Variants in SENP5 observed in about 807,000 individuals in gnomAD.
The protein encoded by SENP5 is sentrin-specific protease 5.
A neutral mutation model predicts 74.2 loss-of-function variants in SENP5; 21 were observed. That is an observed-to-expected ratio of 0.28 (90% confidence interval 0.20 to 0.41). The LOEUF is 0.41. SENP5 is among the 10% of genes least tolerant of loss of function. The pLI is 1.00. For missense variants in SENP5, 717 were observed against 889.1 expected (o/e 0.81, Z 2.46); for synonymous variants, 311 against 312.7 (o/e 0.99, Z 0.06).
intron 6 of SENP5, 126 bp from the exon 7 acceptor site, chr3:196,923,288 C>A: frequency 2.2e-6 from 2 of 924,524 alleles, no homozygotes; most frequent in Non-Finnish European, 3.2e-6. Flanking sequence ...GGTTCAAATT[C>A]TGGTTCATTG....
chr3:196,894,775 A>G (rs1006944375), intron 2 of SENP5, among the ~76,000 whole-genome samples: 1 of 152,096 alleles, frequency 6.6e-6, no homozygotes. Context: ...ATTCTTTTCA[A>G]AAATTTCTAG....
intron 6 of SENP5, among the ~76,000 whole-genome samples, chr3:196,921,305 C>A (rs1715612241): frequency 6.6e-6 from 1 of 152,124 alleles, no homozygotes; most frequent in South Asian, 2.1e-4. Context: ...AATGTCACTA[C>A]CTCAGCCACC....
At chr3:196,929,815 T>A (rs1416477416) in intron 9 of SENP5, 132 bp downstream of exon 9, 1 of 674,634 alleles carries the variant, frequency 1.5e-6, no homozygotes, top group East Asian at 2.8e-5. Context: ...CCCTCCCCTT[T>A]ATTGCTGAGG....
At chr3:196,902,065 C>T (rs1374319169) in intron 5 of SENP5, among the ~76,000 whole-genome samples, 1 of 152,200 alleles carries the variant, frequency 6.6e-6, no homozygotes, top group Admixed American at 6.5e-5. Flanking sequence ...AATCACTGCT[C>T]TAGAGACAGC....
At chr3:196,872,604 G>A (rs1280597914) in intron 1 of SENP5, among the ~76,000 whole-genome samples, 3 of 152,178 alleles carry the variant, frequency 2.0e-5, no homozygotes, top group Non-Finnish European at 2.9e-5. Flanking sequence ...TTTTACATAG[G>A]ATTGTTTTAA....
chr3:196,902,380 C>T (rs1714735379), intron 5 of SENP5, among the ~76,000 whole-genome samples: 2 of 152,234 alleles, frequency 1.3e-5, no homozygotes, highest in Non-Finnish European at 2.9e-5. Context: ...ATCCTCTCAC[C>T]TCTGCCTCTC....
At chr3:196,888,726 ATAT>A (rs762394422) in intron 2 of SENP5, among the ~76,000 whole-genome samples, 16 of 152,136 alleles carry the variant, frequency 1.1e-4, no homozygotes, top group Non-Finnish European at 2.1e-4. Flanking sequence ...ATCTGGACAG[ATAT>A]TATTACCATT....
At chr3:196,903,449 A>C in intron 5 of SENP5, 84 bp from the exon 6 acceptor site, 1 of 842,590 alleles carries the variant, frequency 1.2e-6, no homozygotes, top group Non-Finnish European at 1.9e-6. Context: ...TTTACATTCA[A>C]ACATTTTAAA....
intron 7 of SENP5, 77 bp from the exon 8 acceptor site, chr3:196,927,719 C>G (rs2108867260): frequency 2.6e-6 from 2 of 784,128 alleles, no homozygotes; most frequent in Admixed American, 2.1e-5. Context: ...TCCTTTCCTT[C>G]TGTCTGCTAT....
chr3:196,893,439 T>G (rs1181491601), intron 2 of SENP5, among the ~76,000 whole-genome samples: 20 of 152,154 alleles, frequency 1.3e-4, no homozygotes, highest in Non-Finnish European at 2.9e-5. Flanking sequence ...TAACTTGTAG[T>G]AGGTGTGTCC....
chr3:196,869,487 G>A (rs562886613), intron 1 of SENP5, among the ~76,000 whole-genome samples: 34 of 151,762 alleles, frequency 2.2e-4, no homozygotes, highest in African/African-American at 7.2e-4. Context: ...TCAGCCGGGC[G>A]CGGTGGTTGA....
chr3:196,906,472 G>A (rs1714909140), intron 6 of SENP5, among the ~76,000 whole-genome samples: 1 of 152,064 alleles, frequency 6.6e-6, no homozygotes, highest in Admixed American at 6.6e-5. Context: ...TTGTTTAGTG[G>A]GTACAAAAGA....
At chr3:196,920,661 A>G (rs1715580250) in intron 6 of SENP5, among the ~76,000 whole-genome samples, 2 of 152,186 alleles carry the variant, frequency 1.3e-5, no homozygotes, top group South Asian at 4.1e-4. Context: ...AGGCTTTCCT[A>G]TTATTCCTAT....
chr3:196,873,697 G>A (rs367838363), intron 1 of SENP5, among the ~76,000 whole-genome samples: 5 of 151,760 alleles, frequency 3.3e-5, no homozygotes, highest in African/African-American at 9.7e-5. Flanking sequence ...AAAATTAGCC[G>A]GGTGTGGTGG....
In SENP5 at chr3:196,886,105, A is replaced by G. The variant is rs1043847665; in HGVS notation, c.924A>G (p.Pro308=). ...DPSCRHQPYF[P]DMDSSAVVKG... ...CTTGTCGGCATCAGCCGTACTTTCC[A>G]GATATGGACAGCAGTGCTGTGGTGA... is the stretch of plus-strand genomic sequence containing the variant. Residue 308 remains proline, a synonymous_variant, in exon 2 of 10, where the codon CCA becomes CCG. Coordinates refer to ENST00000323460, the MANE Select transcript of SENP5 (RefSeq NM_152699.5). 1.9e-6 allele frequency: 3 copies of G among 1,614,110 alleles called. No homozygotes were observed. In the African/African-American group the frequency reaches 4.0e-5, roughly 22 times the overall value.
intron 6 of SENP5, chr3:196,914,584 A>ATATATATATATAT (rs1242643022): frequency 3.4e-5 from 2 of 59,406 alleles, no homozygotes; most frequent in African/African-American, 1.6e-4. Context: ...AAAAAAAAAA[A>ATATATATATATAT]AAATATATAT....
At chr3:196,914,581 AAAAAAAT>A (rs1272317580) in intron 6 of SENP5, 5 of 96,374 alleles carry the variant, frequency 5.2e-5, no homozygotes, top group Non-Finnish European at 1.1e-4. Flanking sequence ...AAAAAAAAAA[AAAAAAAT>A]ATATATATAT....
intron 2 of SENP5, among the ~76,000 whole-genome samples, chr3:196,887,539 T>C (rs1212714804): frequency 6.6e-6 from 1 of 151,394 alleles, no homozygotes; most frequent in Non-Finnish European, 1.5e-5. Context: ...TAGGAGACGC[T>C]CAATGTACCA....
At chr3:196,918,855 G>GA (rs1715495448) in intron 6 of SENP5, among the ~76,000 whole-genome samples, 2 of 142,488 alleles carry the variant, frequency 1.4e-5, no homozygotes, top group African/African-American at 6.2e-5. Context: ...GCCAAAAAAA[G>GA]AGAGCAGAGT....
Sources: gnomAD v4.1 joint callset for allele counts (sites outside exome capture counted in the v4.1 genomes callset) on GRCh38, gnomAD v4.1.1 for gene constraint, MANE v1.5 for transcripts, NCBI Gene and HGNC (gene_info 2026-07-23, HGNC 2026-07-21) for gene names.